NTNG1: variants seen among roughly 807,000 people sequenced by gnomAD.
NTNG1 encodes netrin-G1.
A neutral mutation model predicts 54.0 loss-of-function variants in NTNG1; 16 were observed. The ratio of observed to expected loss-of-function variants is 0.30; its 90% confidence interval spans 0.20 to 0.45. The LOEUF is 0.45. NTNG1 is among the 20% of genes least tolerant of loss of function. The pLI is 1.00. For synonymous variants in NTNG1, 255 were observed against 263.1 expected (o/e 0.97, Z 0.30); for missense variants, 530 against 678.7 (o/e 0.78, Z 2.43).
chr1:107,359,476 G>T (rs767216183), intron 3 of NTNG1, among the ~76,000 whole-genome samples: 8 of 152,200 alleles, frequency 5.3e-5, no homozygotes, highest in Non-Finnish European at 1.0e-4. Context: ...GCAAACAAAG[G>T]CTTTATAGCT....
chr1:107,204,497 G>C (rs1055421731), intron 2 of NTNG1, among the ~76,000 whole-genome samples: 1 of 152,050 alleles, frequency 6.6e-6, no homozygotes, highest in Non-Finnish European at 1.5e-5. Context: ...GGGCCTAGCT[G>C]ATCCCAACCT....
At chr1:107,205,083 T>C (rs1387669343) in intron 2 of NTNG1, among the ~76,000 whole-genome samples, 1 of 152,162 alleles carries the variant, frequency 6.6e-6, no homozygotes, top group East Asian at 1.9e-4. Flanking sequence ...CACTAGGACT[T>C]TGACCCCAGA....
intron 5 of NTNG1, among the ~76,000 whole-genome samples, chr1:107,429,261 C>G (rs1193663326): frequency 6.6e-6 from 1 of 152,048 alleles, no homozygotes; most frequent in Non-Finnish European, 1.5e-5. Flanking sequence ...TGATTTCATT[C>G]CATCAGGACC....
At chr1:107,420,025 C>T (rs528955875) in intron 5 of NTNG1, among the ~76,000 whole-genome samples, 1 of 152,146 alleles carries the variant, frequency 6.6e-6, no homozygotes, top group East Asian at 1.9e-4. Context: ...AGTTCAATGA[C>T]AGCATCTTCA....
chr1:107,294,752 T>C (rs950155622), intron 2 of NTNG1, among the ~76,000 whole-genome samples: 1 of 152,152 alleles, frequency 6.6e-6, no homozygotes, highest in Non-Finnish European at 1.5e-5. Context: ...AGTTTGTAGT[T>C]CTTTAGTGTT....
chr1:107,352,335 C>G (rs367552897), intron 3 of NTNG1, among the ~76,000 whole-genome samples: 1 of 152,046 alleles, frequency 6.6e-6, no homozygotes, highest in East Asian at 1.9e-4. Flanking sequence ...CCTGGACATT[C>G]AGGCTTTTCC....
intron 2 of NTNG1, among the ~76,000 whole-genome samples, chr1:107,319,473 C>A (rs1010738496): frequency 2.0e-5 from 3 of 152,106 alleles, no homozygotes; most frequent in Admixed American, 6.6e-5. Context: ...CCTTTAAAGG[C>A]CTTGCGTTGG....
At chr1:107,290,965 A>AT (rs1388471841) in intron 2 of NTNG1, among the ~76,000 whole-genome samples, 4 of 85,210 alleles carry the variant, frequency 4.7e-5, no homozygotes, top group South Asian at 6.5e-4. Context: ...TATATATATT[A>AT]TATATATATA....
intron 2 of NTNG1, among the ~76,000 whole-genome samples, chr1:107,235,388 ATAC>A (rs1274901323): frequency 5.9e-5 from 9 of 152,218 alleles, no homozygotes; most frequent in Non-Finnish European, 1.3e-4. Context: ...CTACATCTTC[ATAC>A]CTAGCAACCA....
At chr1:107,480,476 G>C in intron 7 of NTNG1, 135 bp from the exon 8 acceptor site, 2 of 606,890 alleles carry the variant, frequency 3.3e-6, no homozygotes, top group Non-Finnish European at 5.8e-6. Flanking sequence ...TTCGTTTGTG[G>C]AGGGGAGGGG....
chr1:107,142,843 A>G (rs1364293244), intron 1 of NTNG1, among the ~76,000 whole-genome samples: 2 of 151,966 alleles, frequency 1.3e-5, no homozygotes, highest in Admixed American at 6.6e-5. Context: ...GGAATTAGCA[A>G]TTCCACATTT....
At chr1:107,440,677 A>G (rs1468009858) in intron 7 of NTNG1, among the ~76,000 whole-genome samples, 1 of 152,146 alleles carries the variant, frequency 6.6e-6, no homozygotes, top group Non-Finnish European at 1.5e-5. Context: ...GAGGAATCAA[A>G]CTGTTGACCT....
chr1:107,477,967 G>T (rs1678439294), intron 7 of NTNG1, among the ~76,000 whole-genome samples: 1 of 152,320 alleles, frequency 6.6e-6, no homozygotes, highest in Admixed American at 6.5e-5. Context: ...CATAAGAGCA[G>T]AAATCATCCT....
At chr1:107,424,776 G>A (rs980292938) in intron 5 of NTNG1, among the ~76,000 whole-genome samples, 2 of 152,108 alleles carry the variant, frequency 1.3e-5, no homozygotes, top group East Asian at 3.9e-4. Context: ...GAAGGCAGTG[G>A]CACACAATGG....
At chr1:107,146,972 TC>T (rs1274400719) in intron 1 of NTNG1, among the ~76,000 whole-genome samples, 2 of 152,080 alleles carry the variant, frequency 1.3e-5, no homozygotes, top group East Asian at 3.8e-4. Flanking sequence ...GGCTTTTTTG[TC>T]CTTTTTGCAT....
At chr1:107,443,391 G>GTTTTCTTTTTTTCTTT (rs71098631) in intron 7 of NTNG1, among the ~76,000 whole-genome samples, 2 of 151,066 alleles carry the variant, frequency 1.3e-5, no homozygotes, top group Non-Finnish European at 3.0e-5. Flanking sequence ...AGTTCAGGAG[G>GTTTTCTTTTTTTCTTT]TTTTCTTTTT....
intron 2 of NTNG1, among the ~76,000 whole-genome samples, chr1:107,214,399 T>G (rs550839975): frequency 6.6e-6 from 1 of 152,332 alleles, no homozygotes; most frequent in Non-Finnish European, 1.5e-5. Context: ...GTTGCTTCAC[T>G]TAGAATAATG....
chr1:107,206,543 G>T (rs1038910028), intron 2 of NTNG1, among the ~76,000 whole-genome samples: 6 of 152,066 alleles, frequency 3.9e-5, no homozygotes, highest in African/African-American at 1.4e-4. Context: ...CTGCCATGAT[G>T]TTCTTCTCAT....
intron 6 of NTNG1, among the ~76,000 whole-genome samples, chr1:107,435,039 C>G (rs188349098): frequency 9.7e-4 from 147 of 151,556 alleles, no homozygotes; most frequent in Non-Finnish European, 1.7e-3. Flanking sequence ...CATTTTTTGC[C>G]TCTAAAATCT....
Sources: gnomAD v4.1 joint callset for allele counts (sites outside exome capture counted in the v4.1 genomes callset) on GRCh38, gnomAD v4.1.1 for gene constraint, MANE v1.5 for transcripts, NCBI Gene and HGNC (gene_info 2026-07-23, HGNC 2026-07-21) for gene names.